Variants in RRBP1 observed in about 807,000 individuals in gnomAD.
RRBP1 encodes ribosome-binding protein 1.
In RRBP1, 94 loss-of-function variants were observed where a neutral mutation model predicts 165.2. The observed-to-expected ratio is 0.57, with a 90% confidence interval of 0.48 to 0.68. The LOEUF is 0.68. Among genes scored for constraint, RRBP1 ranks in the 30% least tolerant of loss-of-function variants. The pLI, the probability that RRBP1 is intolerant of heterozygous loss-of-function variation, is 0.00. For synonymous variants in RRBP1, 680 were observed against 714.5 expected (o/e 0.95, Z 0.77); for missense variants, 1,676 against 1,763.0 (o/e 0.95, Z 0.88).
intron 9 of RRBP1, among the ~76,000 whole-genome samples, chr20:17,628,680 T>G (rs6034868): frequency 6.6e-6 from 1 of 152,116 alleles, no homozygotes; most frequent in Non-Finnish European, 1.5e-5. Flanking sequence ...ATTTCTCACA[T>G]AGGCCAAGTC....
intron 1 of RRBP1, among the ~76,000 whole-genome samples, chr20:17,681,213 G>A (rs1014870179): frequency 1.3e-5 from 2 of 148,472 alleles, no homozygotes; most frequent in African/African-American, 4.9e-5. Context: ...GGGGCGGGCC[G>A]GGCCCCGGGC....
chr20:17,617,937 G>A (rs1030175421), intron 20 of RRBP1, among the ~76,000 whole-genome samples: 11 of 152,388 alleles, frequency 7.2e-5, no homozygotes, highest in Middle Eastern at 3.4e-3. Context: ...TACCAGATCC[G>A]GTGAGGCTGG....
chr20:17,633,565 G>T lies in RRBP1; in HGVS notation c.2505C>A (p.Ser835Arg). Residue 835 changes from serine to arginine, a missense_variant, in exon 8 of 25, where the codon AGC becomes AGA. Transcript: ENST00000377813. ...CCTCTGACTTCTCCACCAGCTCTTTGCTGACCTTGCTGAGCTCCTGCCGAA... is the reference window on the plus strand; with the variant it reads ...CCTCTGACTTCTCCACCAGCTCTTTTCTGACCTTGCTGAGCTCCTGCCGAA... ...AKLRQELSKV[S>R]KELVEKSEAV... is the part of the protein sequence containing the mutation. 6.2e-7 allele frequency: 1 copy of T among 1,614,042 alleles called. No individual in the cohort carries two copies. The highest frequency in any genetic ancestry group is 8.5e-7 in the Non-Finnish European group (1 of 1,180,032).
At chr20:17,658,047 A>G (rs552348411) in intron 3 of RRBP1, among the ~76,000 whole-genome samples, 59 of 152,186 alleles carry the variant, frequency 3.9e-4, no homozygotes, top group Non-Finnish European at 8.2e-4. Context: ...GGACAGAATT[A>G]TTGCTCCTAA....
chr20:17,633,142 C>T (rs2036184372), intron 8 of RRBP1, among the ~76,000 whole-genome samples: 1 of 152,208 alleles, frequency 6.6e-6, no homozygotes, highest in South Asian at 2.1e-4. Context: ...ACCTCAAACT[C>T]CCTTATGGGT....
intron 7 of RRBP1, among the ~76,000 whole-genome samples, chr20:17,635,278 T>G (rs1330646209): frequency 1.3e-5 from 2 of 152,126 alleles, no homozygotes; most frequent in African/African-American, 4.8e-5. Flanking sequence ...CTAGTACCAG[T>G]GCATCTGAAG....
intron 2 of RRBP1, among the ~76,000 whole-genome samples, chr20:17,676,730 G>C (rs1368119110): frequency 6.6e-6 from 1 of 152,034 alleles, no homozygotes; most frequent in Non-Finnish European, 1.5e-5. Flanking sequence ...TTCCCCCAGA[G>C]AACCCAAAAA....
rs1299136764 is a variant in RRBP1, at chr20:17,659,810, T to C, written c.698A>G (p.Glu233Gly). The C allele has an allele frequency of 2.6e-6, 4 of 1,550,956 alleles. No homozygotes were observed. Among genetic ancestry groups the C allele is most frequent in the Non-Finnish European group, 3.5e-6 (4 of 1,146,970 alleles). Reference protein sequence around the residue: ...EGTPNQGKKTEGTPNQGKKAE... With the variant: ...EGTPNQGKKTGGTPNQGKKAE... ...CTTTTTCCCTTGGTTTGGGGTTCCC[T>C]CTGTCTTTTTGCCCTGGTTTGGGGT... The change falls in exon 3 of 25, where the codon GAG becomes GGG. Residue 233 changes from glutamate (E) to glycine (G), a missense_variant. Around this residue, in one of 5 missense-constraint regions of RRBP1, gnomAD observed 392 missense variants for 382.5 expected, o/e 1.02. Coordinates refer to ENST00000377813, the MANE Select transcript of RRBP1 (RefSeq NM_001365613.2).
chr20:17,622,040 C>T, intron 13 of RRBP1, 93 bp from the exon 14 acceptor site: 2 of 901,066 alleles, frequency 2.2e-6, no homozygotes, highest in East Asian at 2.4e-5. Flanking sequence ...GGTCTCTGCC[C>T]CAGAAAGGGC....
intron 7 of RRBP1, 80 bp from the exon 8 acceptor site, chr20:17,633,693 C>A: frequency 6.9e-7 from 1 of 1,451,548 alleles, no homozygotes; most frequent in East Asian, 2.3e-5. Flanking sequence ...TCCAGGACTC[C>A]AGCTCTCTTG....
At chr20:17,661,744 T>C (rs572078505) in intron 2 of RRBP1, among the ~76,000 whole-genome samples, 3 of 152,212 alleles carry the variant, frequency 2.0e-5, no homozygotes, top group Admixed American at 6.5e-5. Context: ...TCCCCCAGCA[T>C]TGCCCTGCAA....
chr20:17,637,223 G>A (rs1473697374), intron 5 of RRBP1, among the ~76,000 whole-genome samples: 1 of 152,162 alleles, frequency 6.6e-6, no homozygotes, highest in Non-Finnish European at 1.5e-5. Flanking sequence ...ATGCATCTCT[G>A]CAGGCGGTCG....
At position 17,613,909 on chromosome 20, in the gene RRBP1, TGTCAGA is replaced by T. The variant is rs1274959622; in HGVS notation, c.*267_*272del. 3 of 412,136 alleles carry T rather than the reference TGTCAGA, an allele frequency of 7.3e-6. No homozygotes were observed. Among genetic ancestry groups the T allele is most frequent in the Non-Finnish European group, 8.9e-6 (2 of 225,140 alleles). The allele number at this position is 412,136 out of a possible 1,614,324, so 25.5% of individuals were successfully genotyped here. A position where few individuals can be genotyped will look rare whatever the true frequency, so the allele number is the denominator to read the frequency against. On this transcript the variant is annotated 3_prime_UTR_variant, in exon 25 of 25. Coordinates refer to ENST00000377813, the MANE Select transcript of RRBP1 (RefSeq NM_001365613.2). ...CCGGCCTCCCACACACCCACGGGGC[TGTCAGA>T]GTCAACCAGGGCTTTGGCGTCACTC... is the stretch of plus-strand genomic sequence containing the variant.
intron 2 of RRBP1, among the ~76,000 whole-genome samples, chr20:17,662,308 G>T (rs774552529): frequency 6.6e-6 from 1 of 151,984 alleles, no homozygotes; most frequent in African/African-American, 2.4e-5. Context: ...CATCACAGAA[G>T]GAACACATTA....
intron 2 of RRBP1, among the ~76,000 whole-genome samples, chr20:17,674,146 G>A (rs1189031615): frequency 1.3e-5 from 2 of 152,054 alleles, no homozygotes; most frequent in Non-Finnish European, 2.9e-5. Context: ...TTTGAACAAG[G>A]GTCTTTCACC....
Position 17,627,512 on chromosome 20 carries a change from C to T in RRBP1, c.2920G>A (p.Asp974Asn), listed in dbSNP as rs144311986. The change falls in exon 10 of 25, where the codon GAC (aspartate) becomes AAC (asparagine). Residue 974 changes from aspartate (D) to asparagine (N), a missense_variant. By Grantham distance (23) the Asp-to-Asn change is conservative. Around this residue, in one of 5 missense-constraint regions of RRBP1, gnomAD observed 1,184 missense variants for 1,167.1 expected, o/e 1.01. Coordinates refer to ENST00000377813, the MANE Select transcript of RRBP1 (RefSeq NM_001365613.2). ...CCAGGCAGAAGGCTGACCTGGACGT[C>T]CTGGGCATCCCGCGCCTGGCCCGCC... ...LEAGQARDAQ[D>N]VQASQAEADQ... 2 of 1,610,380 alleles carry T rather than the reference C, an allele frequency of 1.2e-6. No individual in the cohort carries two copies. The highest frequency in any genetic ancestry group is 8.5e-7 in the Non-Finnish European group (1 of 1,178,146).
chr20:17,658,635 C>G lies in RRBP1; in HGVS notation c.1873G>C (p.Ala625Pro). The G allele has an allele frequency of 6.2e-7, 1 of 1,609,842 alleles. No homozygotes were observed. Among genetic ancestry groups the G allele is most frequent in the Non-Finnish European group, 8.5e-7 (1 of 1,178,348 alleles). Residue 625 changes from alanine to proline, a missense_variant, in exon 3 of 25, where the codon GCC becomes CCC. Coordinates refer to ENST00000377813, the MANE Select transcript of RRBP1 (RefSeq NM_001365613.2). ...TTCTTTGAACCAGACTTCTTCTTGG[C>G]AGGAGCCTCTTGCTTTGGTGCCTCT... ...SPEAPKQEAP[A>P]KKKSGSKKKG... is the part of the protein sequence containing the mutation.
At chr20:17,616,161 CT>C (rs1178310309) in intron 21 of RRBP1, 152 bp from the exon 22 acceptor site, 1 of 643,022 alleles carries the variant, frequency 1.6e-6, no homozygotes, top group Non-Finnish European at 2.6e-6. Context: ...ACCTCAGCCC[CT>C]GGTACAGACT....
chr20:17,673,565 T>C (rs1437054239), intron 2 of RRBP1, among the ~76,000 whole-genome samples: 13 of 152,176 alleles, frequency 8.5e-5, no homozygotes, highest in Non-Finnish European at 1.6e-4. Flanking sequence ...TGTGCCACCA[T>C]GTCCAGCTAG....
Sources: allele counts gnomAD v4.1 joint callset (sites outside exome capture counted in the v4.1 genomes callset), GRCh38; gene constraint gnomAD v4.1.1; regional missense constraint gnomAD v4.1.1; transcripts MANE v1.5; gene names NCBI Gene and HGNC (gene_info 2026-07-23, HGNC 2026-07-21).